The following PI4KA variants were observed in gnomAD, a reference collection of about 807,000 sequenced individuals.
The protein encoded by PI4KA is phosphatidylinositol 4-kinase alpha.
A neutral mutation model predicts 271.4 loss-of-function variants in PI4KA; 122 were observed. The observed-to-expected ratio is 0.45, with a 90% CI of 0.39 to 0.52. The LOEUF is 0.52. PI4KA is among the 20% of genes least tolerant of loss of function. The pLI is 0.00. For synonymous variants in PI4KA, 1,041 were observed against 1,078.8 expected, an observed-to-expected ratio of 0.96 and a Z score of 0.69; for missense variants, 1,969 against 2,769.1, an observed-to-expected ratio of 0.71 and a Z score of 6.48.
Position 20,715,161 on chromosome 22 carries a change from C to T in PI4KA, c.5318-461G>A, listed in dbSNP as rs200219747. ...TCTTGGCTCACTGCAACCTCCGCCT[C>T]CCAGGTTCAAGCAATTCTTCTGCCT... On this transcript the variant is annotated intron_variant, in intron 45 of 54. Coordinates refer to ENST00000255882, the MANE Select transcript of PI4KA (RefSeq NM_058004.4). 7.2e-4 allele frequency among the ~76,000 whole-genome samples: 110 copies of T among 151,958 alleles called. 1 individual carries two copies. Among genetic ancestry groups the T allele is most frequent in the Admixed American group, 2.2e-3 (33 of 15,260 alleles).
intron 26 of PI4KA, 63 bp downstream of exon 26, chr22:20,751,611 G>A (rs1037091786): frequency 4.4e-6 from 6 of 1,357,464 alleles, no homozygotes; most frequent in African/African-American, 1.4e-5. Context: ...AGGGCGGACA[G>A]GGCCGGCGGG....
intron 38 of PI4KA, 59 bp from the exon 39 acceptor site, chr22:20,729,565 C>T (rs1927764073): frequency 6.4e-7 from 1 of 1,550,534 alleles, no homozygotes; most frequent in South Asian, 1.2e-5. Context: ...CCACACACTG[C>T]CCCGGCCACC....
chr22:20,833,949 C>T (rs1188972165), intron 3 of PI4KA, among the ~76,000 whole-genome samples: 5 of 151,888 alleles, frequency 3.3e-5, no homozygotes, highest in African/African-American at 4.8e-5. Context: ...TGAGCCACCA[C>T]GCCCGGCCGA....
chr22:20,813,527 A>G, intron 7 of PI4KA, 21 bp from the exon 8 acceptor site: 1 of 1,612,268 alleles, frequency 6.2e-7, no homozygotes, highest in African/African-American at 1.3e-5. Flanking sequence ...ATAAAGCTGG[A>G]AACTCAGCCG....
Position 20,729,935 on chromosome 22 carries a change from T to A in PI4KA, c.4365A>T (p.Thr1455=). ...RQQATQGWIN[T]YPLSSGMSTI... is the part of the protein sequence containing the mutation. The stretch of plus-strand genomic sequence containing the variant: ...TGGACATGCCGCTGGACAGGGGGTA[T>A]GTGTTGATCCAGCCTTGGGTGGCTT... Residue 1455 remains threonine, a synonymous_variant, in exon 37 of 55, where the codon ACA becomes ACT. Transcript: ENST00000255882. 6.2e-7 allele frequency: 1 copy of A among 1,614,196 alleles called. No homozygotes were observed. The highest frequency in any genetic ancestry group is 8.5e-7 in the Non-Finnish European group (1 of 1,180,024).
intron 32 of PI4KA, among the ~76,000 whole-genome samples, chr22:20,741,701 T>C (rs185882756): frequency 3.4e-4 from 52 of 152,116 alleles, no homozygotes; most frequent in African/African-American, 1.2e-3. Context: ...TCCTAAGAAA[T>C]ACAGAAAGAA....
In PI4KA at chr22:20,819,796, T is replaced by C. The variant is rs1569070823; in HGVS notation, c.634A>G (p.Ile212Val). 1 of 1,614,132 alleles carries C rather than the reference T, an allele frequency of 6.2e-7. No individual in the cohort carries two copies. Among genetic ancestry groups the C allele is most frequent in the Non-Finnish European group, 8.5e-7 (1 of 1,179,990 alleles). ...ESLLSKLFPK[I>V]PPHSLRVLEE... is the part of the protein sequence containing the mutation. ...AGGACACGGAGGGAATGAGGAGGGATTTTGGGAAAGAGCTTTGAGAGGAGA... is the reference window on the plus strand; with the variant it reads ...AGGACACGGAGGGAATGAGGAGGGACTTTGGGAAAGAGCTTTGAGAGGAGA... Residue 212 changes from isoleucine (I) to valine (V), a missense_variant, in exon 6 of 55, where the codon ATC becomes GTC. Physicochemically the swap from Ile to Val is conservative, Grantham distance 29 (BLOSUM62 3). Around this residue, in one of 13 missense-constraint regions of PI4KA, gnomAD observed 540 missense variants for 555.5 expected, o/e 0.97. Coordinates refer to ENST00000255882, the MANE Select transcript of PI4KA (RefSeq NM_058004.4).
intron 4 of PI4KA, among the ~76,000 whole-genome samples, chr22:20,821,322 G>C: frequency 6.6e-6 from 1 of 152,118 alleles, no homozygotes; most frequent in East Asian, 1.9e-4. Context: ...AGGTTCAAGC[G>C]ATTCTCCTGA....
At chr22:20,796,933 C>A (rs1935021434) in intron 17 of PI4KA, among the ~76,000 whole-genome samples, 1 of 152,244 alleles carries the variant, frequency 6.6e-6, no homozygotes, top group African/African-American at 2.4e-5. Flanking sequence ...AACCAGGCTT[C>A]TGTGGCCCTG....
chr22:20,796,275 G>T lies in PI4KA; in HGVS notation c.2148C>A (p.Ile716=), dbSNP rs754316397. The T allele has an allele frequency of 1.2e-6, 2 of 1,613,920 alleles. No individual in the cohort carries two copies. The highest frequency in any genetic ancestry group is 1.7e-6 in the Non-Finnish European group (2 of 1,179,964). ...SLAVINALAN[I]AANIQDEHLV... ...GGTGCTCGTCTTGGATGTTGGCCGC[G>T]ATGTTGGCCAGGGCATTAATCACTG... Residue 716 remains isoleucine, a synonymous_variant, in exon 18 of 55, where the codon ATC becomes ATA. Transcript: ENST00000255882.
At chr22:20,819,948 G>C in intron 5 of PI4KA, 48 bp from the exon 6 acceptor site, 1 of 1,490,972 alleles carries the variant, frequency 6.7e-7, no homozygotes, top group Non-Finnish European at 9.3e-7. Flanking sequence ...TATCCTGATA[G>C]AGTCATATAG....
intron 19 of PI4KA, among the ~76,000 whole-genome samples, chr22:20,775,479 C>T (rs1364135854): frequency 6.6e-6 from 1 of 152,166 alleles, no homozygotes; most frequent in Non-Finnish European, 1.5e-5. Flanking sequence ...TAAGAAGTTT[C>T]CAAATATAAC....
intron 19 of PI4KA, chr22:20,785,946 GA>G: frequency 1.3e-6 from 1 of 771,648 alleles, no homozygotes; most frequent in Non-Finnish European, 2.0e-6. Flanking sequence ...GGAAAATCAT[GA>G]TTCTTTTGTA....
intron 19 of PI4KA, among the ~76,000 whole-genome samples, chr22:20,769,904 C>T (rs750191433): frequency 2.6e-5 from 4 of 152,124 alleles, no homozygotes; most frequent in Admixed American, 6.5e-5. Flanking sequence ...GGCAGAGACC[C>T]GTCCATGGAA....
chr22:20,731,551 T>C (rs1928052242), intron 36 of PI4KA, among the ~76,000 whole-genome samples: 1 of 151,972 alleles, frequency 6.6e-6, no homozygotes, highest in Non-Finnish European at 1.5e-5. Context: ...ATCCCAGCAC[T>C]TCAGGAGGCT....
rs199505085 is a variant in PI4KA at position 20,733,695 on chromosome 22, C to T, written c.4160+41G>A. On this transcript the variant is annotated intron_variant, in intron 35 of 54. Transcript: ENST00000255882. The stretch of plus-strand genomic sequence containing the variant: ...GGCGATGGAGCACTTGGAGGGGCTG[C>T]GCCGTCCCTGGACGCTGCACAGCAC... The T allele has an allele frequency of 4.8e-5, 77 of 1,613,580 alleles. 1 individual carries two copies. Among genetic ancestry groups the T allele is most frequent in the African/African-American group, 2.8e-4 (21 of 75,008 alleles).
In PI4KA at chr22:20,819,683, A is replaced by T; in HGVS notation, c.747T>A (p.Gly249=). ...CACTGCTGGTTTTCCTCTTCAGGGT[A>T]CCCTCCTGACAGACAGTCAGCAGAT... ...PSNLLTVCQE[G]TLKRKTSSVS... Residue 249 remains glycine, a synonymous_variant, in exon 6 of 55, where the codon GGT becomes GGA. Transcript: ENST00000255882. The T allele has an allele frequency of 6.2e-7, 1 of 1,614,008 alleles. No homozygotes were observed. Among genetic ancestry groups the T allele is most frequent in the South Asian group, 1.1e-5 (1 of 91,078 alleles).
intron 8 of PI4KA, among the ~76,000 whole-genome samples, chr22:20,811,869 C>T (rs754959674): frequency 2.0e-5 from 3 of 151,700 alleles, no homozygotes; most frequent in Non-Finnish European, 4.4e-5. Context: ...AAAACTTAGC[C>T]GGGCGTGGTG....
chr22:20,744,538 C>T, intron 30 of PI4KA, 90 bp downstream of exon 30: 2 of 853,436 alleles, frequency 2.3e-6, no homozygotes, highest in Non-Finnish European at 2.0e-6. Context: ...CACCGGGACG[C>T]TTTGTTCATT....
Sources: allele counts gnomAD v4.1 joint callset (sites outside exome capture counted in the v4.1 genomes callset), GRCh38; gene constraint gnomAD v4.1.1; regional missense constraint gnomAD v4.1.1; transcripts MANE v1.5; gene names NCBI Gene and HGNC (gene_info 2026-07-23, HGNC 2026-07-21).